ATP11C: variants seen among roughly 807,000 people sequenced by gnomAD.
The protein encoded by ATP11C is phospholipid-transporting ATPase IG.
A neutral mutation model predicts 97.4 loss-of-function variants in ATP11C; 36 were observed. The observed-to-expected ratio is 0.37, with a 90% CI of 0.28 to 0.49. The LOEUF (loss-of-function observed/expected upper bound fraction) is 0.49. Among genes scored for constraint, ATP11C ranks in the 20% least tolerant of loss-of-function variants. ATP11C has a pLI of 0.98. For missense variants in ATP11C, 730 were observed against 824.6 expected, an observed-to-expected ratio of 0.89 and a Z score of 1.40; for synonymous variants, 275 against 290.9, an observed-to-expected ratio of 0.95 and a Z score of 0.56.
At chrX:139,863,538 T>C (rs1380482899) in intron 1 of ATP11C, among the ~76,000 whole-genome samples, 1 of 108,995 alleles carries the variant, frequency 9.2e-6, no homozygotes, top group Non-Finnish European at 1.9e-5. Flanking sequence ...GCCTCAAAAT[T>C]AAAATAAAAT....
Position 139,826,834 on chromosome X carries a change from G to C in ATP11C, c.28-11C>G. ...CTCTTCTCCAGCACACTGACCAAGA[G>C]AAAAGGGAAAAAATTCAGTTTTTCA... On this transcript the variant is annotated splice_polypyrimidine_tract_variant and intron_variant, in intron 1 of 29. Coordinates refer to ENST00000682941, the MANE Select transcript of ATP11C (RefSeq NM_001353812.2). 8.4e-7 allele frequency: 1 copy of C among 1,192,971 alleles called. No homozygotes were observed. Among genetic ancestry groups the C allele is most frequent in the Non-Finnish European group, 1.1e-6 (1 of 885,490 alleles).
At chrX:139,845,918 A>C (rs1489278409) in intron 1 of ATP11C, among the ~76,000 whole-genome samples, 1 of 112,382 alleles carries the variant, frequency 8.9e-6, no homozygotes, top group African/African-American at 3.2e-5. Context: ...AATTACGTTT[A>C]AGAAACTGCC....
intron 1 of ATP11C, among the ~76,000 whole-genome samples, chrX:139,900,915 T>A (rs1364218124): frequency 8.9e-6 from 1 of 111,853 alleles, no homozygotes; most frequent in Admixed American, 9.5e-5. Flanking sequence ...ATCATGGCAG[T>A]GAAGCCTGGA....
chrX:139,887,143 G>A (rs1179993776), intron 1 of ATP11C, among the ~76,000 whole-genome samples: 1 of 111,825 alleles, frequency 8.9e-6, no homozygotes, highest in Admixed American at 9.5e-5. Flanking sequence ...GGAACAATTA[G>A]ATATATCTAT....
At position 139,757,870 on chromosome X, in the gene ATP11C, GAA is replaced by G. The variant is rs752741769; in HGVS notation, c.2641-5_2641-4del. On this transcript the variant is annotated splice_region_variant and splice_polypyrimidine_tract_variant and intron_variant, in intron 22 of 29. Transcript: ENST00000682941. ...TGTGGCAAAATGAAACAAAGGTTCT[GAA>G]AAAAAAAAATTAAGACAAGGATTAA... The G allele has an allele frequency of 7.2e-6, 7 of 978,758 alleles. No homozygotes were observed. The highest frequency in any genetic ancestry group is 2.9e-5 in the Admixed American group (1 of 34,257). The allele number at this position is 978,758 out of a possible 1,213,427, so 80.7% of individuals were successfully genotyped here.
intron 1 of ATP11C, among the ~76,000 whole-genome samples, chrX:139,845,005 ATTAAGTGG>A (rs2083888822): frequency 8.9e-6 from 1 of 112,283 alleles, no homozygotes; most frequent in Non-Finnish European, 1.9e-5. Flanking sequence ...ATGACAGATG[ATTAAGTGG>A]TTAAGGGGTT....
chrX:139,796,879 TA>T (rs1161119768), intron 11 of ATP11C, among the ~76,000 whole-genome samples: 10 of 111,503 alleles, frequency 9.0e-5, no homozygotes, highest in Non-Finnish European at 1.9e-4. Context: ...AATTCTTATA[TA>T]AAGAGCTAAA....
intron 1 of ATP11C, among the ~76,000 whole-genome samples, chrX:139,893,666 C>T (rs1177406461): frequency 9.2e-6 from 1 of 108,866 alleles, no homozygotes; most frequent in Non-Finnish European, 1.9e-5. Flanking sequence ...GGGGTTTAAG[C>T]AATGCTCTGG....
intron 5 of ATP11C, among the ~76,000 whole-genome samples, chrX:139,812,834 A>C (rs1424627430): frequency 1.8e-5 from 2 of 112,039 alleles, no homozygotes; most frequent in African/African-American, 3.2e-5. Context: ...TTTGGTTCTT[A>C]CGCTGATCAA....
intron 28 of ATP11C, among the ~76,000 whole-genome samples, chrX:139,735,768 C>T (rs1388530519): frequency 1.9e-5 from 2 of 107,968 alleles, no homozygotes; most frequent in East Asian, 2.9e-4. Flanking sequence ...TGCATTTTCT[C>T]ATAAGAAAAA....
intron 2 of ATP11C, among the ~76,000 whole-genome samples, chrX:139,824,578 T>C (rs905488186): frequency 9.0e-6 from 1 of 111,193 alleles, no homozygotes; most frequent in African/African-American, 3.3e-5. Flanking sequence ...TCCCAGCTAC[T>C]TGGGAGGCTG....
chrX:139,930,413 T>C (rs968577843), intron 1 of ATP11C, among the ~76,000 whole-genome samples: 17 of 111,200 alleles, frequency 1.5e-4, no homozygotes, highest in Admixed American at 2.9e-4. Flanking sequence ...GATTTTATTA[T>C]GATTCAGAGC....
In ATP11C at chrX:139,728,807, T is replaced by G; in HGVS notation, c.*159A>C. ...ATTTGGTATTTTAATGAACATTTATTGTGAACTCTAGACATGAGAGTGGTT... is the reference window on the plus strand; with the variant it reads ...ATTTGGTATTTTAATGAACATTTATGGTGAACTCTAGACATGAGAGTGGTT... On this transcript the variant is annotated 3_prime_UTR_variant, in exon 30 of 30. Transcript: ENST00000682941. 1 of 623,831 alleles carries G rather than the reference T, an allele frequency of 1.6e-6. No individual in the cohort carries two copies. Among genetic ancestry groups the G allele is most frequent in the Non-Finnish European group, 2.5e-6 (1 of 397,045 alleles). 51.4% of individuals were successfully genotyped at this position (623,831 alleles called of 1,213,427 possible).
At chrX:139,793,476 C>A (rs1252125780) in intron 12 of ATP11C, among the ~76,000 whole-genome samples, 1 of 110,745 alleles carries the variant, frequency 9.0e-6, no homozygotes, top group Non-Finnish European at 1.9e-5. Flanking sequence ...GAGACAACTG[C>A]TGTAGGGTAG....
intron 1 of ATP11C, among the ~76,000 whole-genome samples, chrX:139,926,424 A>G (rs1469733316): frequency 8.9e-6 from 1 of 112,029 alleles, no homozygotes; most frequent in Non-Finnish European, 1.9e-5. Context: ...ATTTGATTTC[A>G]CTCAGTGGGC....
chrX:139,931,758 G>A (rs994677874), intron 1 of ATP11C, among the ~76,000 whole-genome samples: 15 of 105,872 alleles, frequency 1.4e-4, no homozygotes, highest in Non-Finnish European at 2.7e-4. Flanking sequence ...GCGGCCCCCA[G>A]TTTCAGGCAG....
chrX:139,887,607 A>C (rs1423153598), intron 1 of ATP11C, among the ~76,000 whole-genome samples: 1 of 110,679 alleles, frequency 9.0e-6, no homozygotes, highest in Non-Finnish European at 1.9e-5. Context: ...TGGGTGACAG[A>C]ACAAGGCCCT....
chrX:139,775,175 T>G (rs949783103), intron 18 of ATP11C, among the ~76,000 whole-genome samples: 1 of 112,272 alleles, frequency 8.9e-6, no homozygotes, highest in Non-Finnish European at 1.9e-5. Context: ...CTGAAAAGTT[T>G]GTGACACCTT....
Position 139,728,971 on chromosome X carries a change from T to C in ATP11C, c.*4-9A>G. Reference sequence around the variant, plus strand: ...AGTTCAAGATTCGGATTCTGAAAAATGTAAAATATACAGATTTAAAAGGCT... The same window carrying C: ...AGTTCAAGATTCGGATTCTGAAAAACGTAAAATATACAGATTTAAAAGGCT... On this transcript the variant is annotated splice_polypyrimidine_tract_variant and intron_variant, in intron 29 of 29. Coordinates refer to ENST00000682941, the MANE Select transcript of ATP11C (RefSeq NM_001353812.2). 8.6e-7 allele frequency: 1 copy of C among 1,160,259 alleles called. No individual in the cohort carries two copies. Among genetic ancestry groups the C allele is most frequent in the South Asian group, 1.8e-5 (1 of 54,228 alleles).
Sources: allele counts gnomAD v4.1 joint callset (sites outside exome capture counted in the v4.1 genomes callset), GRCh38; gene constraint gnomAD v4.1.1; transcripts MANE v1.5; gene names NCBI Gene and HGNC (gene_info 2026-07-23, HGNC 2026-07-21).